ZFP91: variants seen among roughly 807,000 people sequenced by gnomAD.
The protein encoded by ZFP91 is E3 ubiquitin-protein ligase ZFP91.
ZFP91 carries 7 observed loss-of-function variants against 63.5 expected under a neutral mutation model. The ratio of observed to expected loss-of-function variants is 0.11; its 90% CI spans 0.06 to 0.21. The LOEUF is 0.21. Ranked by LOEUF, ZFP91 falls within the 10% of genes least tolerant of loss-of-function variation. ZFP91 has a pLI of 1.00. For synonymous variants in ZFP91, 330 were observed against 272.1 expected (o/e 1.21, Z -2.10); for missense variants, 628 against 736.6 (o/e 0.85, Z 1.71).
At chr11:58,581,058 A>G (rs1374718591) in intron 1 of ZFP91, among the ~76,000 whole-genome samples, 1 of 152,226 alleles carries the variant, frequency 6.6e-6, no homozygotes, top group African/African-American at 2.4e-5. Flanking sequence ...AATCTCTGCA[A>G]CGTGAGTTTG....
chr11:58,598,303 A>G (rs905864820), intron 2 of ZFP91, among the ~76,000 whole-genome samples: 2 of 152,120 alleles, frequency 1.3e-5, no homozygotes, highest in African/African-American at 4.8e-5. Flanking sequence ...TAGTTTATGC[A>G]TTCATGACAT....
At chr11:58,599,508 C>CT (rs1855459314) in intron 2 of ZFP91, among the ~76,000 whole-genome samples, 1 of 151,922 alleles carries the variant, frequency 6.6e-6, no homozygotes, top group Admixed American at 6.6e-5. Context: ...TTCTTATTTT[C>CT]TTTTTTTATT....
intron 6 of ZFP91, 91 bp downstream of exon 6, chr11:58,611,829 A>C: frequency 1.4e-6 from 2 of 1,403,664 alleles, no homozygotes; most frequent in South Asian, 1.7e-5. Context: ...ATGTTGACGT[A>C]TACATGCTTC....
chr11:58,585,168 A>G (rs1855184692), intron 2 of ZFP91, among the ~76,000 whole-genome samples: 1 of 152,174 alleles, frequency 6.6e-6, no homozygotes, highest in South Asian at 2.1e-4. Context: ...AATGATACAC[A>G]GTATACAGAG....
chr11:58,613,360 G>C (rs1180487475), intron 8 of ZFP91, among the ~76,000 whole-genome samples: 2 of 152,110 alleles, frequency 1.3e-5, no homozygotes, highest in African/African-American at 2.4e-5. Flanking sequence ...TTTATATAAG[G>C]GTAGAGCCTT....
intron 2 of ZFP91, among the ~76,000 whole-genome samples, chr11:58,592,668 T>C (rs1855327888): frequency 6.6e-6 from 1 of 151,362 alleles, no homozygotes; most frequent in Non-Finnish European, 1.5e-5. Context: ...GGTTAGGAGG[T>C]GGAATGAGAA....
chr11:58,586,245 G>C lies in ZFP91; in HGVS notation c.370+1361G>C, dbSNP rs75630995. Reference sequence around the variant, plus strand: ...GCTGAAATTACCTTACGTGTCCAAAGAAATCACTATGGGTTGCCTTGAGGC... The same window carrying C: ...GCTGAAATTACCTTACGTGTCCAAACAAATCACTATGGGTTGCCTTGAGGC... On this transcript the variant is annotated intron_variant, in intron 2 of 10. Coordinates refer to ENST00000316059, the MANE Select transcript of ZFP91 (RefSeq NM_053023.5). Among the ~76,000 whole-genome samples the C allele has an allele frequency of 2.3e-3, 345 of 152,296 alleles. 1 individual carries two copies. Among genetic ancestry groups the C allele is most frequent in the African/African-American group, 7.8e-3 (323 of 41,570 alleles).
chr11:58,589,608 G>C (rs971607287), intron 2 of ZFP91, among the ~76,000 whole-genome samples: 1 of 152,178 alleles, frequency 6.6e-6, no homozygotes, highest in Non-Finnish European at 1.5e-5. Flanking sequence ...ACAATATAAT[G>C]TTCAAGCCTC....
intron 1 of ZFP91, among the ~76,000 whole-genome samples, chr11:58,580,500 T>C (rs747222423): frequency 2.7e-5 from 3 of 110,778 alleles, no homozygotes; most frequent in African/African-American, 5.6e-5. Context: ...ACTGAAAACA[T>C]CATTAGTGAC....
intron 9 of ZFP91, 120 bp downstream of exon 9, chr11:58,614,463 A>C (rs1590630391): frequency 1.5e-6 from 1 of 686,568 alleles, no homozygotes. Flanking sequence ...GTGCGGGGAA[A>C]AGGTGTGAAA....
At chr11:58,586,557 A>G (rs1165748576) in intron 2 of ZFP91, among the ~76,000 whole-genome samples, 1 of 152,202 alleles carries the variant, frequency 6.6e-6, no homozygotes, top group African/African-American at 2.4e-5. Flanking sequence ...CCCTGGATCT[A>G]GATATTCTCA....
At chr11:58,610,150 G>A (rs1855635375) in intron 3 of ZFP91, 111 bp downstream of exon 3, 3 of 1,424,882 alleles carry the variant, frequency 2.1e-6, no homozygotes, top group Non-Finnish European at 1.9e-6. Flanking sequence ...GTTTGATGGT[G>A]TAGGTGGTAT....
rs774774448 is a variant in ZFP91, at chr11:58,618,255, A to C, written c.*549A>C. 4 of 164,682 alleles carry C rather than the reference A, an allele frequency of 2.4e-5. No homozygotes were observed. The highest frequency in any genetic ancestry group is 9.6e-5 in the African/African-American group (4 of 41,516). 10.2% of individuals were successfully genotyped at this position (164,682 alleles called of 1,614,324 possible). A position where few individuals can be genotyped will look rare whatever the true frequency, so the allele number is the denominator to read the frequency against. On this transcript the variant is annotated 3_prime_UTR_variant, in exon 11 of 11. Coordinates refer to ENST00000316059, the MANE Select transcript of ZFP91 (RefSeq NM_053023.5). ...AGGGTGAGCTGTTAAAACAGCACAC[A>C]TCTCTCATCCCCTCTTCCTTTATTC...
At position 58,579,556 on chromosome 11, in the gene ZFP91, C is replaced by G. The variant is rs200108858; in HGVS notation, c.275C>G (p.Pro92Arg). 15,756 of 1,584,178 alleles carry G rather than the reference C, an allele frequency of 9.9e-3. 141 individuals are homozygous for G. The highest frequency in any genetic ancestry group is 0.014 in the South Asian group (1,243 of 88,740). The change falls in exon 1 of 11, where the codon CCC becomes CGC. Residue 92 changes from proline to arginine, a missense_variant. By Grantham distance (103) the Pro-to-Arg change is moderately radical. Transcript: ENST00000316059. ...SSPSARPPDV[P>R]GQQPQAAKSP... ...CCCAGCGCCAGGCCTCCCGACGTCC[C>G]CGGGCAGCAGCCCCAGGCCGCGAAG...
At position 58,617,095 on chromosome 11, in the gene ZFP91, T is replaced by C; in HGVS notation, c.1203-101T>C. 2.0e-6 allele frequency: 2 copies of C among 1,017,194 alleles called. No individual in the cohort carries two copies. The highest frequency in any genetic ancestry group is 3.2e-5 in the South Asian group (2 of 62,206). The allele number at this position is 1,017,194 out of a possible 1,614,324, so 63.0% of individuals were successfully genotyped here. Reference sequence around the variant, plus strand: ...TTGTGTGTGTGTGTGTGTGTGTGTGTGTGTATGTATATATATGCTCTAAAC... The same window carrying C: ...TTGTGTGTGTGTGTGTGTGTGTGTGCGTGTATGTATATATATGCTCTAAAC... On this transcript the variant is annotated intron_variant, in intron 10 of 10. Transcript: ENST00000316059. This position sits in a 1 kb window ranked among gnomAD's most constrained non-coding sequence, Gnocchi z 4.2.
At chr11:58,600,126 C>T (rs994937111) in intron 2 of ZFP91, among the ~76,000 whole-genome samples, 15 of 151,934 alleles carry the variant, frequency 9.9e-5, no homozygotes, top group Admixed American at 2.0e-4. Flanking sequence ...GAAAAAAGTG[C>T]GTCTTTAATT....
rs1253236005 is a variant in ZFP91 at position 58,609,990 on chromosome 11, A to G, written c.531A>G (p.Ser177=). Reference sequence around the variant, plus strand: ...GAAGCTCTCGGTCCAAGACCGGTTCATTGCAGCTCATTTGCAAGTCAGAAC... The same window carrying G: ...GAAGCTCTCGGTCCAAGACCGGTTCGTTGCAGCTCATTTGCAAGTCAGAAC... ...NTRSSRSKTG[S]LQLICKSEPN... is the part of the protein sequence containing the mutation. The change falls in exon 3 of 11, where the codon TCA becomes TCG. Residue 177 remains serine (S), a synonymous_variant. Coordinates refer to ENST00000316059, the MANE Select transcript of ZFP91 (RefSeq NM_053023.5). The G allele has an allele frequency of 2.5e-6, 4 of 1,614,102 alleles. No homozygotes were observed. Among genetic ancestry groups the G allele is most frequent in the Middle Eastern group, 1.6e-4 (1 of 6,082 alleles).
rs751879228 is a variant in ZFP91, at chr11:58,620,621, A to G, written c.*2915A>G. 2.6e-5 allele frequency: 4 copies of G among 152,786 alleles called. No individual in the cohort carries two copies. Among genetic ancestry groups the G allele is most frequent in the Middle Eastern group, 3.4e-3 (1 of 294 alleles). 9.5% of individuals were successfully genotyped at this position (152,786 alleles called of 1,614,324 possible). On this transcript the variant is annotated 3_prime_UTR_variant, in exon 11 of 11. Coordinates refer to ENST00000316059, the MANE Select transcript of ZFP91 (RefSeq NM_053023.5). The stretch of plus-strand genomic sequence containing the variant: ...GGGAGTAAAATAAAAATATCGAGGT[A>G]TAGACTAGCATCCACATAGAGCACT...
chr11:58,592,593 T>G (rs1325424153), intron 2 of ZFP91, among the ~76,000 whole-genome samples: 2 of 152,176 alleles, frequency 1.3e-5, no homozygotes, highest in Non-Finnish European at 2.9e-5. Flanking sequence ...GATAACACTG[T>G]ATGATCTCGC....
Sources: allele counts gnomAD v4.1 joint callset (sites outside exome capture counted in the v4.1 genomes callset), GRCh38; gene constraint gnomAD v4.1.1; non-coding constraint Gnocchi (gnomAD v3.1); transcripts MANE v1.5; gene names NCBI Gene and HGNC (gene_info 2026-07-23, HGNC 2026-07-21).